Variants in NGEF observed in about 807,000 individuals in gnomAD.
The protein encoded by NGEF is ephexin-1.
Under a neutral mutation model 80.9 loss-of-function variants are expected in NGEF, and 31 were observed. That is an observed-to-expected ratio of 0.38 (90% confidence interval 0.29 to 0.52). The LOEUF (loss-of-function observed/expected upper bound fraction) is 0.52. Among genes scored for constraint, NGEF ranks in the 20% least tolerant of loss-of-function variants. The pLI, the probability that NGEF is intolerant of heterozygous loss-of-function variation, is 0.84. For missense variants in NGEF, 709 were observed against 926.2 expected, an observed-to-expected ratio of 0.77 and a Z score of 3.04; for synonymous variants, 371 against 370.2, an observed-to-expected ratio of 1.00 and a Z score of -0.03.
chr2:232,906,870 C>G (rs979556154), intron 5 of NGEF, among the ~76,000 whole-genome samples: 2 of 151,718 alleles, frequency 1.3e-5, no homozygotes, highest in African/African-American at 4.8e-5. Context: ...TCCTGTTGAT[C>G]TATGACCTTA....
intron 3 of NGEF, among the ~76,000 whole-genome samples, chr2:232,967,513 T>G (rs1006871989): frequency 1.3e-5 from 2 of 151,790 alleles, no homozygotes; most frequent in African/African-American, 4.8e-5. Flanking sequence ...TTTTGTATTT[T>G]TAGAAGAGAC....
chr2:232,949,851 G>T (rs1307265048), intron 3 of NGEF, among the ~76,000 whole-genome samples: 1 of 150,140 alleles, frequency 6.7e-6, no homozygotes, highest in Non-Finnish European at 1.5e-5. Flanking sequence ...CACTCTTGTT[G>T]CCCAGGCTGG....
At chr2:232,950,456 A>C in intron 3 of NGEF, among the ~76,000 whole-genome samples, 1 of 149,106 alleles carries the variant, frequency 6.7e-6, no homozygotes, top group East Asian at 2.1e-4. Flanking sequence ...CCCACCCCCA[A>C]ATCCCAACCC....
intron 5 of NGEF, among the ~76,000 whole-genome samples, chr2:232,908,441 G>C (rs1310110353): frequency 6.6e-6 from 1 of 152,066 alleles, no homozygotes; most frequent in Non-Finnish European, 1.5e-5. Context: ...ATATTTAAAA[G>C]TCTCTTGTCA....
chr2:232,906,363 G>A (rs1353022199), intron 5 of NGEF, among the ~76,000 whole-genome samples: 3,407 of 115,302 alleles, frequency 0.03, 541 homozygotes, highest in Non-Finnish European at 0.046. Flanking sequence ...TCAGCCCCCC[G>A]CCCGGCCAGC....
Position 232,966,948 on chromosome 2 carries a change from T to C in NGEF, c.383+3266A>G, listed in dbSNP as rs556568481. Among the ~76,000 whole-genome samples the C allele has an allele frequency of 2.6e-5, 4 of 152,264 alleles. No individual in the cohort carries two copies. In the East Asian group the frequency reaches 7.7e-4, roughly 29 times the overall value. ...AGATATTTACAGTGTTGTTCTTGGC[T>C]CTTGGGGCTTAAGCCACATCAGAGA... On this transcript the variant is annotated intron_variant, in intron 3 of 14. Coordinates refer to ENST00000264051, the MANE Select transcript of NGEF (RefSeq NM_019850.3).
At chr2:232,907,679 T>C (rs542642953) in intron 5 of NGEF, among the ~76,000 whole-genome samples, 1 of 61,722 alleles carries the variant, frequency 1.6e-5, no homozygotes, top group Non-Finnish European at 3.2e-5. Context: ...CAAACATGCA[T>C]AAAAGAAAGT....
At chr2:232,989,001 AATT>A (rs1251865989) in intron 1 of NGEF, among the ~76,000 whole-genome samples, 9 of 152,296 alleles carry the variant, frequency 5.9e-5, no homozygotes, top group African/African-American at 2.2e-4. Flanking sequence ...AGTTACAAGA[AATT>A]AGTATCAAAA....
intron 3 of NGEF, among the ~76,000 whole-genome samples, chr2:232,930,316 CT>C (rs1693192103): frequency 7.7e-6 from 1 of 129,300 alleles, no homozygotes; most frequent in Non-Finnish European, 1.6e-5. Context: ...TCTGGGCTCT[CT>C]CTCTCTCTCT....
chr2:232,926,933 A>T, intron 4 of NGEF, 111 bp downstream of exon 4: 1 of 1,383,908 alleles, frequency 7.2e-7, no homozygotes, highest in Non-Finnish European at 1.0e-6. Flanking sequence ...CCCATGTCAG[A>T]CGCAGTCCTT....
At chr2:232,929,017 C>T (rs1385317702) in intron 3 of NGEF, among the ~76,000 whole-genome samples, 1 of 152,178 alleles carries the variant, frequency 6.6e-6, no homozygotes, top group South Asian at 2.1e-4. Context: ...CAAGATGCCC[C>T]CCGCCTACCC....
rs955813715 is a variant in NGEF at position 232,906,708 on chromosome 2, A to G, written c.829-11792T>C. 1.4e-5 allele frequency among the ~76,000 whole-genome samples: 2 copies of G among 141,818 alleles called. 1 individual carries two copies. The highest frequency in any genetic ancestry group is 4.4e-4 in the East Asian group (2 of 4,572). The allele number at this position is 141,818 out of a possible 152,430, so 93.0% of individuals were successfully genotyped here. ...CCCAACAGCTCATTGAGAACGGGCC[A>G]TGATGACAATGGCGGTTTTGTGGAA... On this transcript the variant is annotated intron_variant, in intron 5 of 14. Transcript: ENST00000264051.
chr2:232,897,109 G>GT (rs971010214), intron 5 of NGEF, among the ~76,000 whole-genome samples: 2 of 142,890 alleles, frequency 1.4e-5, no homozygotes, highest in African/African-American at 5.3e-5. Context: ...GGGGGAAGGG[G>GT]TGAGGGTAGG....
intron 3 of NGEF, among the ~76,000 whole-genome samples, chr2:232,943,588 C>CG (rs1559218030): frequency 6.6e-6 from 1 of 151,492 alleles, no homozygotes; most frequent in East Asian, 2.0e-4. Flanking sequence ...CTCCGCCTCC[C>CG]GGGTTCACGC....
At chr2:232,881,947 TG>T (rs1412174534) in intron 13 of NGEF, among the ~76,000 whole-genome samples, 1 of 152,222 alleles carries the variant, frequency 6.6e-6, no homozygotes, top group Non-Finnish European at 1.5e-5. Context: ...AAATTCTTCC[TG>T]GTGACTTTGT....
intron 5 of NGEF, among the ~76,000 whole-genome samples, chr2:232,895,621 G>C (rs940613419): frequency 6.6e-6 from 1 of 152,030 alleles, no homozygotes; most frequent in Non-Finnish European, 1.5e-5. Context: ...GGGTGCGAAA[G>C]TCAGCAGGTG....
chr2:232,898,332 G>A (rs1559198139), intron 5 of NGEF, among the ~76,000 whole-genome samples: 1 of 152,172 alleles, frequency 6.6e-6, no homozygotes. Context: ...GGATCACCCG[G>A]ATCTTCTGGC....
At chr2:232,971,115 A>T (rs1464206795) in intron 2 of NGEF, among the ~76,000 whole-genome samples, 1 of 152,178 alleles carries the variant, frequency 6.6e-6, no homozygotes, top group Non-Finnish European at 1.5e-5. Context: ...TGTGATTTTG[A>T]AGGGGTACTC....
chr2:232,879,772 G>C (rs527308517), intron 14 of NGEF, 93 bp from the exon 15 acceptor site: 21 of 1,169,610 alleles, frequency 1.8e-5, no homozygotes, highest in African/African-American at 4.6e-5. Flanking sequence ...CATCTGTGGC[G>C]GGACACTAGG....
Sources: gnomAD v4.1 joint callset for allele counts (sites outside exome capture counted in the v4.1 genomes callset) on GRCh38, gnomAD v4.1.1 for gene constraint, MANE v1.5 for transcripts, NCBI Gene and HGNC (gene_info 2026-07-23, HGNC 2026-07-21) for gene names.